The following DAB1 variants were observed in gnomAD, a reference collection of about 807,000 sequenced individuals.
DAB1 encodes the protein DAB adaptor protein 1.
In DAB1, 15 loss-of-function variants were observed where a neutral mutation model predicts 64.6. The ratio of observed to expected loss-of-function variants is 0.23; its 90% CI spans 0.16 to 0.36. The LOEUF is 0.36. Among genes scored for constraint, DAB1 ranks in the 10% least tolerant of loss-of-function variants. DAB1 has a pLI of 1.00. For missense variants in DAB1, 596 were observed against 706.7 expected (o/e 0.84, Z 1.78); for synonymous variants, 235 against 251.9 (o/e 0.93, Z 0.64).
At chr1:58,358,551 T>G (rs1203760823) in intron 3 of DAB1, among the ~76,000 whole-genome samples, 2 of 152,140 alleles carry the variant, frequency 1.3e-5, no homozygotes, top group African/African-American at 4.8e-5. Context: ...GCCCAGCTAC[T>G]AAATTGCATC....
In DAB1 at chr1:57,788,152, C is replaced by T. The variant is rs536710107; in HGVS notation, n.551+95847G>A. Among the ~76,000 whole-genome samples the T allele has an allele frequency of 2.0e-3, 301 of 152,254 alleles. 2 individuals carry two copies. The highest frequency in any genetic ancestry group is 7.0e-3 in the African/African-American group (290 of 41,566). On this transcript the variant is annotated intron_variant and non_coding_transcript_variant, in intron 6 of 20. Coordinates refer to the DAB1 transcript ENST00000485760. ...TGCTTACCCAATAATCCAGCAATTC[C>T]ATTCTTAGATATTTATCCAGGGGAA...
intron 9 of DAB1, among the ~76,000 whole-genome samples, chr1:57,046,906 G>A (rs1446929784): frequency 6.6e-6 from 1 of 152,202 alleles, no homozygotes; most frequent in Non-Finnish European, 1.5e-5. Flanking sequence ...ACATGTTCTG[G>A]TCTCAGAGGC....
rs572073819 is a variant in DAB1 at position 58,476,369 on chromosome 1, GTCTCC to G, written n.257+29686_257+29690del. ...TGTGACTTATGCCCCATGCTCTGCA[GTCTCC>G]TAAACAGCTAGTGTGGTGAGAACAC... is the stretch of plus-strand genomic sequence containing the variant. On this transcript the variant is annotated intron_variant and non_coding_transcript_variant, in intron 3 of 20. Coordinates refer to the DAB1 transcript ENST00000485760. 5.9e-5 allele frequency among the ~76,000 whole-genome samples: 9 copies of G among 152,232 alleles called. No homozygotes were observed. In the South Asian group the frequency reaches 1.9e-3, roughly 32 times the overall value.
chr1:57,265,261 T>C (rs1000969833), intron 2 of DAB1, among the ~76,000 whole-genome samples: 1 of 152,168 alleles, frequency 6.6e-6, no homozygotes, highest in Non-Finnish European at 1.5e-5. Flanking sequence ...CATCCATGTT[T>C]CTCATTTTTA....
At chr1:57,260,214 C>T (rs1670078587) in intron 2 of DAB1, among the ~76,000 whole-genome samples, 1 of 152,174 alleles carries the variant, frequency 6.6e-6, no homozygotes, top group African/African-American at 2.4e-5. Context: ...AAGAGCATGA[C>T]ACAGTCTCTA....
intron 3 of DAB1, among the ~76,000 whole-genome samples, chr1:58,413,729 T>C (rs1016096637): frequency 1.3e-5 from 2 of 152,214 alleles, no homozygotes; most frequent in Non-Finnish European, 2.9e-5. Context: ...TGGTATTTAA[T>C]ATAGAACATA....
chr1:58,116,023 A>C (rs1477168535), intron 5 of DAB1, among the ~76,000 whole-genome samples: 1 of 151,520 alleles, frequency 6.6e-6, no homozygotes, highest in Non-Finnish European at 1.5e-5. Context: ...ATTCATCTAT[A>C]CAAAAAAAAT....
chr1:58,334,650 T>C (rs1663062436), intron 4 of DAB1, among the ~76,000 whole-genome samples: 1 of 148,120 alleles, frequency 6.8e-6, no homozygotes, highest in South Asian at 2.1e-4. Flanking sequence ...TCATATCATA[T>C]CATATTATAT....
At chr1:57,956,939 T>G (rs914694859) in intron 5 of DAB1, among the ~76,000 whole-genome samples, 23 of 152,174 alleles carry the variant, frequency 1.5e-4, no homozygotes, top group Admixed American at 2.6e-4. Context: ...AGAAAAACCT[T>G]GGATCTACCA....
chr1:57,512,226 C>T lies in DAB1; in HGVS notation n.625+137366G>A, dbSNP rs555201032. Among the ~76,000 whole-genome samples the T allele has an allele frequency of 1.2e-4, 19 of 152,264 alleles. No homozygotes were observed. The South Asian group carries it at 3.7e-3, about 30-fold the overall frequency. On this transcript the variant is annotated intron_variant and non_coding_transcript_variant, in intron 7 of 20. Coordinates refer to the DAB1 transcript ENST00000485760. ...ACATTATAATTTCTTATATGTCTGT[C>T]TCACCCAACTTTCTTGAGAGCAGAG...
chr1:57,068,362 A>G (rs1651125874), intron 8 of DAB1, among the ~76,000 whole-genome samples: 1 of 152,226 alleles, frequency 6.6e-6, no homozygotes, highest in Non-Finnish European at 1.5e-5. Context: ...TCCAGTGGAG[A>G]GAAAATATTA....
chr1:58,143,039 C>T (rs886129510), intron 5 of DAB1, among the ~76,000 whole-genome samples: 5 of 152,144 alleles, frequency 3.3e-5, no homozygotes, highest in Non-Finnish European at 7.4e-5. Context: ...ACCAGACCTA[C>T]TGATTAGAAA....
intron 7 of DAB1, among the ~76,000 whole-genome samples, chr1:57,633,579 TA>T (rs1377038793): frequency 2.0e-5 from 3 of 152,204 alleles, no homozygotes; most frequent in African/African-American, 7.2e-5. Context: ...AGGTGTCCCA[TA>T]TATTTTCTAA....
intron 3 of DAB1, among the ~76,000 whole-genome samples, chr1:58,403,766 C>T (rs566143154): frequency 2.2e-4 from 33 of 152,274 alleles, no homozygotes; most frequent in African/African-American, 7.7e-4. Context: ...GGTCCCATGC[C>T]GCTACCTTCC....
At chr1:57,624,449 G>A (rs1388590660) in intron 7 of DAB1, among the ~76,000 whole-genome samples, 2 of 152,194 alleles carry the variant, frequency 1.3e-5, no homozygotes, top group African/African-American at 4.8e-5. Flanking sequence ...GAGACAAGGA[G>A]TGTGTTTAGT....
At chr1:57,023,950 A>C (rs1255811996) in intron 10 of DAB1, among the ~76,000 whole-genome samples, 1 of 152,112 alleles carries the variant, frequency 6.6e-6, no homozygotes, top group Non-Finnish European at 1.5e-5. Flanking sequence ...ATTTAGTTTG[A>C]GCCCCTACTC....
At chr1:57,224,005 C>T (rs12404785) in intron 2 of DAB1, among the ~76,000 whole-genome samples, 33,697 of 152,108 alleles carry the variant, frequency 0.22, 4,132 homozygotes, top group East Asian at 0.42. Context: ...ACTCCCCCTC[C>T]GATTCCTTTG....
At chr1:58,322,807 A>C (rs1305865102) in intron 4 of DAB1, among the ~76,000 whole-genome samples, 1 of 152,184 alleles carries the variant, frequency 6.6e-6, no homozygotes, top group African/African-American at 2.4e-5. Flanking sequence ...TTATTGCCGC[A>C]CTATTCACAA....
chr1:58,274,844 A>G (rs1465382823), intron 4 of DAB1, among the ~76,000 whole-genome samples: 2 of 152,048 alleles, frequency 1.3e-5, no homozygotes, highest in African/African-American at 2.4e-5. Context: ...AGGTGAGGCA[A>G]TGCCTCGCCC....
Sources: gnomAD v4.1 joint callset for allele counts (sites outside exome capture counted in the v4.1 genomes callset) on GRCh38, gnomAD v4.1.1 for gene constraint, MANE v1.5 for transcripts, NCBI Gene and HGNC (gene_info 2026-07-23, HGNC 2026-07-21) for gene names.